The following STXBP5L variants were observed in gnomAD, a reference collection of about 807,000 sequenced individuals.
The protein encoded by STXBP5L is syntaxin-binding protein 5-like.
STXBP5L carries 65 observed loss-of-function variants against 144.5 expected under a neutral mutation model. The ratio of observed to expected loss-of-function variants is 0.45; its 90% CI spans 0.37 to 0.55. STXBP5L has a LOEUF of 0.55. Ranked by LOEUF, STXBP5L falls within the 20% of genes least tolerant of loss-of-function variation. The pLI, the probability that STXBP5L is intolerant of heterozygous loss-of-function variation, is 0.00. For synonymous variants in STXBP5L, 505 were observed against 469.6 expected (o/e 1.08, Z -0.97); for missense variants, 1,298 against 1,405.5 (o/e 0.92, Z 1.22).
At chr3:121,082,977 T>G (rs758726002) in intron 5 of STXBP5L, among the ~76,000 whole-genome samples, 6 of 152,104 alleles carry the variant, frequency 3.9e-5, no homozygotes, top group Non-Finnish European at 8.8e-5. Context: ...GGCAGGCAGA[T>G]TACGAGGTCA....
intron 4 of STXBP5L, among the ~76,000 whole-genome samples, chr3:121,044,434 C>T (rs1035122175): frequency 9.9e-5 from 15 of 152,208 alleles, no homozygotes; most frequent in African/African-American, 2.9e-4. Flanking sequence ...TATCGTTCTT[C>T]CTAGCATCTA....
intron 3 of STXBP5L, among the ~76,000 whole-genome samples, chr3:120,991,215 A>C (rs1300095999): frequency 1.3e-5 from 2 of 151,776 alleles, no homozygotes; most frequent in Admixed American, 6.6e-5. Flanking sequence ...ATGCAGCCAA[A>C]AGACACATGA....
chr3:121,094,085 A>T (rs2042981418), intron 5 of STXBP5L, among the ~76,000 whole-genome samples: 1 of 152,012 alleles, frequency 6.6e-6, no homozygotes, highest in Admixed American at 6.5e-5. Flanking sequence ...AGCGGTTTTG[A>T]GTGAGTGTCT....
At chr3:121,354,800 A>G (rs1028285780) in intron 20 of STXBP5L, among the ~76,000 whole-genome samples, 33 of 152,106 alleles carry the variant, frequency 2.2e-4, no homozygotes, top group African/African-American at 7.5e-4. Context: ...TGATCTTTAC[A>G]ATTTGGCATG....
chr3:121,246,065 C>G (rs570817495), intron 14 of STXBP5L, among the ~76,000 whole-genome samples: 1 of 152,146 alleles, frequency 6.6e-6, no homozygotes, highest in South Asian at 2.1e-4. Context: ...GGCTGCAGAC[C>G]AGTACCAGTC....
Position 121,387,179 on chromosome 3 carries a change from G to A in STXBP5L, c.2587+5647G>A, listed in dbSNP as rs574585205. Among the ~76,000 whole-genome samples, 133 of 152,248 alleles carry A rather than the reference G, an allele frequency of 8.7e-4. 1 individual carries two copies. The highest frequency in any genetic ancestry group is 2.9e-3 in the African/African-American group (122 of 41,548). On this transcript the variant is annotated intron_variant, in intron 22 of 26. Coordinates refer to ENST00000471454, the MANE Select transcript of STXBP5L (RefSeq NM_001308330.2). ...AGTGATGATGAGCATTTTTTCATGT[G>A]TCTGTTGCCTGCATAGATGTCTTCT...
intron 9 of STXBP5L, among the ~76,000 whole-genome samples, chr3:121,173,210 A>C (rs886408971): frequency 1.3e-5 from 2 of 152,074 alleles, no homozygotes; most frequent in African/African-American, 4.8e-5. Context: ...GGATAGCATT[A>C]GGAGAAATAC....
intron 3 of STXBP5L, among the ~76,000 whole-genome samples, chr3:121,013,186 G>C (rs1245957079): frequency 6.6e-6 from 1 of 151,900 alleles, no homozygotes; most frequent in Non-Finnish European, 1.5e-5. Context: ...TTGGTGGAAT[G>C]ATTTATTTTC....
chr3:121,162,540 C>A (rs1451784076), intron 9 of STXBP5L, among the ~76,000 whole-genome samples: 1 of 152,138 alleles, frequency 6.6e-6, no homozygotes, highest in Non-Finnish European at 1.5e-5. Context: ...ACAACAAAAG[C>A]AATGGCAACA....
intron 5 of STXBP5L, among the ~76,000 whole-genome samples, chr3:121,061,217 A>G (rs903785536): frequency 6.6e-6 from 1 of 151,952 alleles, no homozygotes; most frequent in Admixed American, 6.6e-5. Flanking sequence ...TTCTGCCTTA[A>G]TTTTGTTATT....
At chr3:120,918,802 A>G (rs747808641) in intron 2 of STXBP5L, among the ~76,000 whole-genome samples, 1 of 152,168 alleles carries the variant, frequency 6.6e-6, no homozygotes, top group African/African-American at 2.4e-5. Flanking sequence ...CAGTTTGTGT[A>G]AAGTCACAGG....
intron 9 of STXBP5L, among the ~76,000 whole-genome samples, chr3:121,182,852 C>T (rs2047216314): frequency 6.6e-6 from 1 of 152,084 alleles, no homozygotes; most frequent in Non-Finnish European, 1.5e-5. Context: ...AAAGATCATT[C>T]AAGGCTACTA....
chr3:121,213,008 C>T (rs1477006583), intron 10 of STXBP5L, among the ~76,000 whole-genome samples: 1 of 151,904 alleles, frequency 6.6e-6, no homozygotes, highest in East Asian at 1.9e-4. Flanking sequence ...CGATTTGGCT[C>T]TCTGTCTGTT....
At chr3:121,409,563 G>A (rs1032199842) in intron 23 of STXBP5L, among the ~76,000 whole-genome samples, 1 of 151,742 alleles carries the variant, frequency 6.6e-6, no homozygotes, top group African/African-American at 2.4e-5. Flanking sequence ...AAACAAAATC[G>A]ACCTCCATTC....
intron 5 of STXBP5L, among the ~76,000 whole-genome samples, chr3:121,054,861 A>G (rs1038444303): frequency 6.6e-6 from 1 of 151,830 alleles, no homozygotes; most frequent in Non-Finnish European, 1.5e-5. Context: ...TTTTCTTCTA[A>G]TACTTTGAAT....
At chr3:121,064,668 A>G (rs1163052719) in intron 5 of STXBP5L, among the ~76,000 whole-genome samples, 1 of 152,140 alleles carries the variant, frequency 6.6e-6, no homozygotes, top group African/African-American at 2.4e-5. Context: ...GGTAACATTT[A>G]TAGATTTTTT....
intron 20 of STXBP5L, among the ~76,000 whole-genome samples, chr3:121,344,523 G>A (rs1489078934): frequency 6.6e-6 from 1 of 152,034 alleles, no homozygotes; most frequent in Non-Finnish European, 1.5e-5. Context: ...ATGGTTAAAG[G>A]ACAGGTGCTA....
At chr3:121,278,273 T>G (rs2050946022) in intron 18 of STXBP5L, among the ~76,000 whole-genome samples, 1 of 151,984 alleles carries the variant, frequency 6.6e-6, no homozygotes, top group African/African-American at 2.4e-5. Context: ...AAACTGTTGT[T>G]TAATATATTT....
At position 121,056,653 on chromosome 3, in the gene STXBP5L, G is replaced by A. The variant is rs531274279; in HGVS notation, c.470+11118G>A. ...TATTTACTGGGTTTGACATTCAAAA[G>A]GTACAACAGTGTATGCAATAAAGGA... On this transcript the variant is annotated intron_variant, in intron 5 of 26. Coordinates refer to ENST00000471454, the MANE Select transcript of STXBP5L (RefSeq NM_001308330.2). Among the ~76,000 whole-genome samples the A allele has an allele frequency of 2.0e-5, 3 of 152,206 alleles. No homozygotes were observed. The South Asian group carries it at 6.2e-4, about 31-fold the overall frequency.
Sources: allele counts gnomAD v4.1 joint callset (sites outside exome capture counted in the v4.1 genomes callset), GRCh38; gene constraint gnomAD v4.1.1; transcripts MANE v1.5; gene names NCBI Gene and HGNC (gene_info 2026-07-23, HGNC 2026-07-21).